EPHA5: variants seen among roughly 807,000 people sequenced by gnomAD.
EPHA5 encodes ephrin type-A receptor 5.
Under a neutral mutation model 105.0 loss-of-function variants are expected in EPHA5, and 60 were observed. The observed-to-expected ratio is 0.57, with a 90% CI of 0.46 to 0.71. EPHA5 has a LOEUF of 0.71. Ranked by LOEUF, EPHA5 falls within the 30% of genes least tolerant of loss-of-function variation. The pLI is 0.00. For missense variants in EPHA5, 1,218 were observed against 1,274.7 expected (o/e 0.96, Z 0.68); for synonymous variants, 513 against 449.1 (o/e 1.14, Z -1.80).
chr4:65,438,611 G>A (rs1429492827), intron 5 of EPHA5, among the ~76,000 whole-genome samples: 3 of 151,880 alleles, frequency 2.0e-5, no homozygotes, highest in Non-Finnish European at 4.4e-5. Context: ...AAATATGTGA[G>A]CTGAAGCTTA....
At chr4:65,507,528 C>G (rs1055913649) in intron 3 of EPHA5, among the ~76,000 whole-genome samples, 1 of 152,090 alleles carries the variant, frequency 6.6e-6, no homozygotes, top group Non-Finnish European at 1.5e-5. Context: ...TTGTTTGTAA[C>G]CTCTTTTATT....
At chr4:65,495,324 C>CA in intron 4 of EPHA5, 64 bp downstream of exon 4, 3 of 1,503,772 alleles carry the variant, frequency 2.0e-6, no homozygotes, top group Non-Finnish European at 2.7e-6. Context: ...TAACAGGCTC[C>CA]ATCATGCTGT....
chr4:65,403,649 T>C (rs1230064354), intron 8 of EPHA5, among the ~76,000 whole-genome samples: 1 of 152,064 alleles, frequency 6.6e-6, no homozygotes, highest in Non-Finnish European at 1.5e-5. Context: ...TTTTATTTTA[T>C]TTTTAAGGAG....
At chr4:65,329,075 A>G (rs1720354598) in intron 16 of EPHA5, among the ~76,000 whole-genome samples, 1 of 151,300 alleles carries the variant, frequency 6.6e-6, no homozygotes, top group Admixed American at 6.6e-5. Flanking sequence ...ATAAGTTTAA[A>G]AAGTAGCTGT....
At chr4:65,408,514 T>C (rs1022604773) in intron 7 of EPHA5, among the ~76,000 whole-genome samples, 3 of 151,678 alleles carry the variant, frequency 2.0e-5, no homozygotes, top group Admixed American at 1.3e-4. Context: ...ACAACCCCAT[T>C]AAAAAGTGGG....
chr4:65,485,730 C>A (rs1374108414), intron 5 of EPHA5, among the ~76,000 whole-genome samples: 1 of 152,112 alleles, frequency 6.6e-6, no homozygotes, highest in African/African-American at 2.4e-5. Flanking sequence ...ATTGTTGTCA[C>A]ACGCACAGAA....
chr4:65,442,032 A>G (rs867394992), intron 5 of EPHA5, among the ~76,000 whole-genome samples: 28 of 152,274 alleles, frequency 1.8e-4, no homozygotes, highest in Admixed American at 3.9e-4. Context: ...CCTATTTAAT[A>G]TATACATAAA....
At chr4:65,350,609 A>G (rs1722723948) in intron 13 of EPHA5, among the ~76,000 whole-genome samples, 1 of 152,134 alleles carries the variant, frequency 6.6e-6, no homozygotes, top group East Asian at 1.9e-4. Flanking sequence ...GTTTATCATA[A>G]GGAATTCAAA....
chr4:65,668,267 A>T (rs1460986479), intron 1 of EPHA5, among the ~76,000 whole-genome samples: 1 of 152,116 alleles, frequency 6.6e-6, no homozygotes, highest in African/African-American at 2.4e-5. Flanking sequence ...GCGGAGACTG[A>T]ACCCATGCAA....
chr4:65,432,341 T>C (rs1476461998), intron 5 of EPHA5, among the ~76,000 whole-genome samples: 1 of 152,158 alleles, frequency 6.6e-6, no homozygotes, highest in African/African-American at 2.4e-5. Flanking sequence ...GCCATAGATA[T>C]AGAAGTGAAA....
intron 2 of EPHA5, among the ~76,000 whole-genome samples, chr4:65,630,081 TCA>T (rs35628731): frequency 0.77 from 112,716 of 146,454 alleles, 44,152 homozygotes; most frequent in Non-Finnish European, 0.85. Context: ...TCTCTCTCTC[TCA>T]CACACACACA....
chr4:65,331,552 G>A (rs527250749), intron 16 of EPHA5: 5 of 1,055,434 alleles, frequency 4.7e-6, no homozygotes, highest in African/African-American at 3.3e-5. Context: ...GATATTCATC[G>A]TAGAGAGCCA....
At chr4:65,627,247 T>G (rs1746235818) in intron 2 of EPHA5, among the ~76,000 whole-genome samples, 1 of 152,212 alleles carries the variant, frequency 6.6e-6, no homozygotes, top group Non-Finnish European at 1.5e-5. Context: ...TAAACTGCAT[T>G]CTGCTAAACA....
At chr4:65,503,908 T>TACAA (rs1553927991) in intron 3 of EPHA5, among the ~76,000 whole-genome samples, 1 of 145,356 alleles carries the variant, frequency 6.9e-6, no homozygotes, top group Non-Finnish European at 1.5e-5. Flanking sequence ...ATGTGTGTGA[T>TACAA]ACACACACAC....
chr4:65,627,871 C>A (rs1046791443), intron 2 of EPHA5, among the ~76,000 whole-genome samples: 3 of 152,200 alleles, frequency 2.0e-5, no homozygotes, highest in African/African-American at 4.8e-5. Flanking sequence ...AATTGACCAT[C>A]ATGTCATATT....
intron 16 of EPHA5, among the ~76,000 whole-genome samples, chr4:65,330,149 G>T (rs1462151411): frequency 6.6e-6 from 1 of 151,294 alleles, no homozygotes; most frequent in Non-Finnish European, 1.5e-5. Context: ...ATGCTGGTAA[G>T]TCTCCCAATG....
intron 3 of EPHA5, among the ~76,000 whole-genome samples, chr4:65,546,558 G>C (rs1209569226): frequency 1.3e-5 from 2 of 151,922 alleles, no homozygotes; most frequent in Non-Finnish European, 2.9e-5. Context: ...TGTTCTGAGT[G>C]AGACATATTT....
At chr4:65,340,981 T>TCCTC (rs1428451968) in intron 14 of EPHA5, among the ~76,000 whole-genome samples, 10 of 152,090 alleles carry the variant, frequency 6.6e-5, no homozygotes, top group Admixed American at 3.3e-4. Context: ...CAACCAATCA[T>TCCTC]CCTTCCTTCC....
At chr4:65,527,649 C>T (rs1735366866) in intron 3 of EPHA5, among the ~76,000 whole-genome samples, 1 of 152,054 alleles carries the variant, frequency 6.6e-6, no homozygotes, top group Middle Eastern at 3.2e-3. Context: ...GCTACTGGAA[C>T]ATACTAGGAA....
Sources: allele counts gnomAD v4.1 joint callset (sites outside exome capture counted in the v4.1 genomes callset), GRCh38; gene constraint gnomAD v4.1.1; transcripts MANE v1.5; gene names NCBI Gene and HGNC (gene_info 2026-07-23, HGNC 2026-07-21).